PLCE1: variants seen among roughly 807,000 people sequenced by gnomAD.
PLCE1 encodes 1-phosphatidylinositol 4,5-bisphosphate phosphodiesterase epsilon-1.
Under a neutral mutation model 242.8 loss-of-function variants are expected in PLCE1, and 119 were observed. That is an observed-to-expected ratio of 0.49 (90% CI 0.42 to 0.57). PLCE1 has a LOEUF of 0.57. Among genes scored for constraint, PLCE1 ranks in the 20% least tolerant of loss-of-function variants. The pLI is 0.00. For synonymous variants in PLCE1, 945 were observed against 1,017.4 expected, an observed-to-expected ratio of 0.93 and a Z score of 1.35; for missense variants, 2,441 against 2,788.8, an observed-to-expected ratio of 0.88 and a Z score of 2.81.
chr10:94,238,531 T>C (rs964854226), intron 7 of PLCE1, among the ~76,000 whole-genome samples: 3 of 152,204 alleles, frequency 2.0e-5, no homozygotes, highest in East Asian at 3.8e-4. Context: ...CCTCTTTTTA[T>C]GTCTAACTCC....
intron 3 of PLCE1, among the ~76,000 whole-genome samples, chr10:94,133,798 C>T (rs1384631847): frequency 6.6e-6 from 1 of 152,028 alleles, no homozygotes; most frequent in African/African-American, 2.4e-5. Context: ...TTTTTTGAGC[C>T]CCTATTAGGT....
chr10:94,036,237 GC>G (rs1480516823), intron 2 of PLCE1, among the ~76,000 whole-genome samples: 1 of 152,118 alleles, frequency 6.6e-6, no homozygotes, highest in African/African-American at 2.4e-5. Flanking sequence ...GCTCACTCTG[GC>G]CACTGTGGAT....
chr10:94,227,316 G>C lies in PLCE1; in HGVS notation c.1820G>C (p.Trp607Ser). 1 of 1,614,116 alleles carries C rather than the reference G, an allele frequency of 6.2e-7. No homozygotes were observed. Among genetic ancestry groups the C allele is most frequent in the Non-Finnish European group, 8.5e-7 (1 of 1,179,974 alleles). The change falls in exon 5 of 33, where the codon TGG (tryptophan) becomes TCG (serine). Residue 607 changes from tryptophan (W) to serine (S), a missense_variant. Physicochemically the swap from Trp to Ser is radical, Grantham distance 177. Coordinates refer to ENST00000371380, the MANE Select transcript of PLCE1 (RefSeq NM_016341.4). ...CTGTGTGTTTTCCAGGTGAGCTCCT[G>C]GGTGACATGGCTGATCCTCACGGCA... ...LVMRFNEVSS[W>S]VTWLILTAGS...
At chr10:94,279,628 C>A in intron 19 of PLCE1, 154 bp from the exon 20 acceptor site, 1 of 746,532 alleles carries the variant, frequency 1.3e-6, no homozygotes, top group Non-Finnish European at 2.3e-6. Context: ...CATTGCATTT[C>A]GAGGGAATCT....
intron 2 of PLCE1, among the ~76,000 whole-genome samples, chr10:94,032,507 G>T (rs536841178): frequency 1.3e-5 from 2 of 152,200 alleles, no homozygotes; most frequent in South Asian, 4.1e-4. Context: ...AGATTTCCTG[G>T]TAGTGGAAAA....
chr10:94,254,468 A>G (rs892063713), intron 10 of PLCE1, among the ~76,000 whole-genome samples, 161 bp downstream of exon 10: 1 of 152,220 alleles, frequency 6.6e-6, no homozygotes, highest in East Asian at 1.9e-4. Flanking sequence ...CTGCAAGCAT[A>G]GTGTGCTTGG....
chr10:94,116,664 C>T (rs532514366), intron 2 of PLCE1, among the ~76,000 whole-genome samples: 1 of 151,994 alleles, frequency 6.6e-6, no homozygotes, highest in South Asian at 2.1e-4. Context: ...CACTGCACTC[C>T]AGTCTGGGCG....
chr10:94,327,927 AT>A, intron 32 of PLCE1, 40 bp from the exon 33 acceptor site: 1 of 518,750 alleles, frequency 1.9e-6, no homozygotes, highest in Non-Finnish European at 4.0e-6. Context: ...CTGTTTCTTC[AT>A]TTTCAGTATA....
chr10:94,298,722 T>C lies in PLCE1; in HGVS notation c.5458+53T>C. The C allele has an allele frequency of 6.3e-7, 1 of 1,599,048 alleles. No homozygotes were observed. The highest frequency in any genetic ancestry group is 1.1e-5 in the South Asian group (1 of 90,702). On this transcript the variant is annotated intron_variant, in intron 24 of 32. Coordinates refer to ENST00000371380, the MANE Select transcript of PLCE1 (RefSeq NM_016341.4). This position sits in a 1 kb window ranked among gnomAD's most constrained non-coding sequence, Gnocchi z 5.2. ...CCTTTGCATCTTACATTTCAGTAAA[T>C]GCAGTTTGACAGCATTTTTTCAAAG...
Position 94,234,261 on chromosome 10 carries a change from C to T in PLCE1, c.2163C>T (p.Ser721=), listed in dbSNP as rs377278909. 57 of 1,613,918 alleles carry T rather than the reference C, an allele frequency of 3.5e-5. No individual in the cohort carries two copies. The highest frequency in any genetic ancestry group is 8.9e-5 in the East Asian group (4 of 44,866). The part of the protein sequence containing the change: ...KELCEVLDGA[S]GLMKLCPRYN... ...TCTGTGAAGTGCTTGACGGCGCCTC[C>T]GGTCTCATGAAGCTTTGCCCGCGGT... Residue 721 remains serine, a synonymous_variant, in exon 6 of 33, where the codon TCC becomes TCT. Transcript: ENST00000371380.
chr10:94,279,755 C>A (rs1187562459), intron 19 of PLCE1, 27 bp from the exon 20 acceptor site: 1 of 1,611,720 alleles, frequency 6.2e-7, no homozygotes, highest in East Asian at 2.2e-5. Flanking sequence ...TTGGCATCTG[C>A]AGTTTACAAT....
intron 3 of PLCE1, among the ~76,000 whole-genome samples, chr10:94,139,967 C>G (rs551463677): frequency 5.3e-5 from 8 of 152,256 alleles, no homozygotes; most frequent in African/African-American, 1.7e-4. Flanking sequence ...TCCTCCAATT[C>G]TGCAGGTGCA....
At chr10:94,235,825 A>G in intron 6 of PLCE1, 90 bp from the exon 7 acceptor site, 1 of 1,468,606 alleles carries the variant, frequency 6.8e-7, no homozygotes, top group Admixed American at 1.8e-5. Context: ...AAATGCCATT[A>G]TTTATTACTT....
In PLCE1 at chr10:94,132,190, G is replaced by T. The variant is rs752029771; in HGVS notation, c.1223G>T (p.Arg408Ile). 64 of 1,613,944 alleles carry T rather than the reference G, an allele frequency of 4.0e-5. No individual in the cohort carries two copies. The highest frequency in any genetic ancestry group is 5.0e-5 in the Non-Finnish European group (59 of 1,179,942). ...TATTCACAGATCTACAATGCAGTGA[G>T]AAGAGAAGAAACAGAAAATACAGTT... is the stretch of plus-strand genomic sequence containing the variant. ...AQWYPIYNAVRREETENTVGS... is the reference protein window; with the variant it reads ...AQWYPIYNAVIREETENTVGS... Residue 408 changes from arginine (R) to isoleucine (I), a missense_variant, in exon 3 of 33, where the codon AGA (arginine) becomes ATA (isoleucine). Physicochemically the swap from Arg to Ile is moderately conservative, Grantham distance 97 (BLOSUM62 -3). Around this residue, in one of 5 missense-constraint regions of PLCE1, gnomAD observed 733 missense variants for 754.2 expected, o/e 0.97. Transcript: ENST00000371380.
At chr10:94,064,474 A>G (rs868125647) in intron 2 of PLCE1, among the ~76,000 whole-genome samples, 2 of 152,116 alleles carry the variant, frequency 1.3e-5, no homozygotes, top group Admixed American at 6.5e-5. Context: ...CACAGGAGGT[A>G]GAGGTTGCAG....
intron 5 of PLCE1, among the ~76,000 whole-genome samples, chr10:94,230,961 A>G (rs1336605369): frequency 1.3e-5 from 2 of 152,182 alleles, no homozygotes; most frequent in Non-Finnish European, 2.9e-5. Flanking sequence ...ACATGAATCT[A>G]TCTGGGAACA....
Position 94,032,070 on chromosome 10 carries a change from A to G in PLCE1, c.1024A>G (p.Thr342Ala). 2.5e-6 allele frequency: 4 copies of G among 1,612,828 alleles called. No individual in the cohort carries two copies. The highest frequency in any genetic ancestry group is 3.4e-6 in the Non-Finnish European group (4 of 1,179,496). Residue 342 changes from threonine to alanine, a missense_variant, in exon 2 of 33, where the codon ACT becomes GCT. Thr to Ala is a moderately conservative substitution (Grantham distance 58). This residue lies in a region of PLCE1 where 733 missense variants were observed against 754.2 expected (regional missense o/e 0.97). Transcript: ENST00000371380. Reference protein sequence around the residue: ...NDREVKKSVYTGTRAIVRTLP... With the variant: ...NDREVKKSVYAGTRAIVRTLP... ...CAGAGAAGTTAAGAAATCTGTGTAT[A>G]CTGGAACAAGAGCAATTGTGAGAAC...
intron 2 of PLCE1, among the ~76,000 whole-genome samples, chr10:94,131,911 A>G (rs2046609553): frequency 6.6e-6 from 1 of 152,156 alleles, no homozygotes; most frequent in South Asian, 2.1e-4. Flanking sequence ...AGCTGAATGT[A>G]TTTCTGGTTG....
intron 2 of PLCE1, among the ~76,000 whole-genome samples, chr10:94,045,986 TAAC>T (rs1247795139): frequency 6.6e-6 from 1 of 151,458 alleles, no homozygotes; most frequent in Non-Finnish European, 1.5e-5. Context: ...AAAGTAATAA[TAAC>T]CTTAGTTGGT....
Sources: allele counts gnomAD v4.1 joint callset (sites outside exome capture counted in the v4.1 genomes callset), GRCh38; gene constraint gnomAD v4.1.1; regional missense constraint gnomAD v4.1.1; non-coding constraint Gnocchi (gnomAD v3.1); transcripts MANE v1.5; gene names NCBI Gene and HGNC (gene_info 2026-07-23, HGNC 2026-07-21).